PPM1E: variants seen among roughly 807,000 people sequenced by gnomAD.
The protein encoded by PPM1E is protein phosphatase 1E.
In PPM1E, 20 loss-of-function variants were observed where a neutral mutation model predicts 65.9. The ratio of observed to expected loss-of-function variants is 0.30; its 90% CI spans 0.21 to 0.44. The LOEUF (loss-of-function observed/expected upper bound fraction) is 0.44. Ranked by LOEUF, PPM1E falls within the 20% of genes least tolerant of loss-of-function variation. The pLI is 1.00. For synonymous variants in PPM1E, 352 were observed against 374.9 expected, an observed-to-expected ratio of 0.94 and a Z score of 0.70; for missense variants, 713 against 953.1, an observed-to-expected ratio of 0.75 and a Z score of 3.32.
intron 1 of PPM1E, among the ~76,000 whole-genome samples, chr17:58,804,254 G>T (rs1430405453): frequency 6.6e-6 from 1 of 152,122 alleles, no homozygotes; most frequent in African/African-American, 2.4e-5. Context: ...AATGAAAGCT[G>T]CTTTTTCTAT....
intron 1 of PPM1E, among the ~76,000 whole-genome samples, chr17:58,859,526 A>G (rs2050917200): frequency 6.6e-6 from 1 of 152,204 alleles, no homozygotes; most frequent in African/African-American, 2.4e-5. Context: ...CTAGAGAGTC[A>G]TGTCCCATGG....
intron 1 of PPM1E, among the ~76,000 whole-genome samples, chr17:58,783,996 C>T (rs908432958): frequency 7.3e-5 from 11 of 151,620 alleles, no homozygotes; most frequent in Non-Finnish European, 8.8e-5. Context: ...CAGGTGTGAG[C>T]CACCGTGCCC....
At chr17:58,894,232 G>T (rs150635748) in intron 1 of PPM1E, among the ~76,000 whole-genome samples, 3 of 151,968 alleles carry the variant, frequency 2.0e-5, no homozygotes, top group Non-Finnish European at 4.4e-5. Flanking sequence ...AGCAATTCTC[G>T]TGCCGCAGCC....
intron 1 of PPM1E, 43 bp downstream of exon 1, chr17:58,756,504 A>G: frequency 1.6e-6 from 2 of 1,262,156 alleles, no homozygotes; most frequent in Non-Finnish European, 2.0e-6. Flanking sequence ...CGCGGTCCCC[A>G]CCGCGCCGGC....
In PPM1E at chr17:58,877,075, G is replaced by A. The variant is rs192985400; in HGVS notation, c.465-78574G>A. On this transcript the variant is annotated intron_variant, in intron 1 of 6. Coordinates refer to ENST00000308249, the MANE Select transcript of PPM1E (RefSeq NM_014906.5). Reference sequence around the variant, plus strand: ...TGGGATTACAGGCGTGAGCCACCGCGCCTGGCCAAATGCGCATGTTAAATT... The same window carrying A: ...TGGGATTACAGGCGTGAGCCACCGCACCTGGCCAAATGCGCATGTTAAATT... Among the ~76,000 whole-genome samples, 173 of 152,294 alleles carry A rather than the reference G, an allele frequency of 1.1e-3. 3 individuals are homozygous for A. In the South Asian group the frequency reaches 0.034, roughly 30 times the overall value.
intron 1 of PPM1E, among the ~76,000 whole-genome samples, chr17:58,876,509 AT>A (rs1418429892): frequency 6.6e-6 from 1 of 152,134 alleles, no homozygotes; most frequent in African/African-American, 2.4e-5. Flanking sequence ...TTATTTTTTG[AT>A]ATTTTTATAG....
At chr17:58,806,255 T>C (rs566444880) in intron 1 of PPM1E, among the ~76,000 whole-genome samples, 2 of 152,158 alleles carry the variant, frequency 1.3e-5, no homozygotes, top group South Asian at 4.1e-4. Flanking sequence ...TTTTTTTCCT[T>C]CTTATCAATG....
At position 58,837,917 on chromosome 17, in the gene PPM1E, A is replaced by G. The variant is rs560151957; in HGVS notation, c.464+81456A>G. ...TCTTGACTCTGTCTCATGTCCAGCC[A>G]GGGCTGTTAGACTGTCCCAGAGAAG... On this transcript the variant is annotated intron_variant, in intron 1 of 6. Coordinates refer to ENST00000308249, the MANE Select transcript of PPM1E (RefSeq NM_014906.5). Among the ~76,000 whole-genome samples, 16 of 152,374 alleles carry G rather than the reference A, an allele frequency of 1.1e-4. No individual in the cohort carries two copies. In the South Asian group the frequency reaches 3.3e-3, roughly 32 times the overall value.
intron 1 of PPM1E, chr17:58,897,940 C>A (rs1035458991): frequency 6.6e-6 from 1 of 152,248 alleles, no homozygotes; most frequent in Non-Finnish European, 1.5e-5. Flanking sequence ...CATAGCAAGA[C>A]CTTGTCTCTA....
chr17:58,904,566 G>T (rs1389881993), intron 1 of PPM1E, among the ~76,000 whole-genome samples: 2 of 151,952 alleles, frequency 1.3e-5, no homozygotes, highest in African/African-American at 4.8e-5. Context: ...TTTTGGTTGG[G>T]GTTGTGTTGA....
intron 2 of PPM1E, among the ~76,000 whole-genome samples, chr17:58,965,197 C>G (rs1281754070): frequency 5.3e-5 from 8 of 152,022 alleles, no homozygotes; most frequent in Non-Finnish European, 1.2e-4. Context: ...AACGTAAACC[C>G]TTCTTATTTC....
chr17:58,913,531 G>A (rs553857340), intron 1 of PPM1E, among the ~76,000 whole-genome samples: 3 of 152,306 alleles, frequency 2.0e-5, no homozygotes, highest in African/African-American at 7.2e-5. Context: ...GCGAAGTAGT[G>A]TAATAAACGT....
intron 1 of PPM1E, among the ~76,000 whole-genome samples, chr17:58,954,971 C>G (rs561343659): frequency 6.6e-6 from 1 of 151,514 alleles, no homozygotes; most frequent in Admixed American, 6.6e-5. Flanking sequence ...ATAACTGAGT[C>G]TTTTTCATCC....
chr17:58,862,501 A>G (rs2050952832), intron 1 of PPM1E, among the ~76,000 whole-genome samples: 1 of 152,208 alleles, frequency 6.6e-6, no homozygotes, highest in East Asian at 1.9e-4. Context: ...CTGGATAGAA[A>G]TGCTTCTATC....
chr17:58,784,566 C>T (rs2050080893), intron 1 of PPM1E, among the ~76,000 whole-genome samples: 1 of 149,888 alleles, frequency 6.7e-6, no homozygotes. Flanking sequence ...CACTCTGTCG[C>T]CAGGCTGGAG....
intron 1 of PPM1E, among the ~76,000 whole-genome samples, chr17:58,860,181 A>C (rs571905829): frequency 6.6e-6 from 1 of 152,220 alleles, no homozygotes; most frequent in Non-Finnish European, 1.5e-5. Flanking sequence ...AAACCCAAAG[A>C]GATTGTAAAT....
At chr17:58,870,169 A>G (rs1357937662) in intron 1 of PPM1E, among the ~76,000 whole-genome samples, 1 of 152,228 alleles carries the variant, frequency 6.6e-6, no homozygotes, top group South Asian at 2.1e-4. Context: ...AGTTCTGACA[A>G]TGAGGGACAA....
At chr17:58,914,355 T>C (rs895731738) in intron 1 of PPM1E, among the ~76,000 whole-genome samples, 1 of 152,240 alleles carries the variant, frequency 6.6e-6, no homozygotes, top group African/African-American at 2.4e-5. Flanking sequence ...TCCAGGATAC[T>C]ACATTGCATC....
chr17:58,951,781 A>C (rs1353662477), intron 1 of PPM1E, among the ~76,000 whole-genome samples: 3 of 152,188 alleles, frequency 2.0e-5, no homozygotes, highest in Non-Finnish European at 4.4e-5. Flanking sequence ...CCTATGCAGT[A>C]TCGTGAGACC....
Sources: gnomAD v4.1 joint callset for allele counts (sites outside exome capture counted in the v4.1 genomes callset) on GRCh38, gnomAD v4.1.1 for gene constraint, MANE v1.5 for transcripts, NCBI Gene and HGNC (gene_info 2026-07-23, HGNC 2026-07-21) for gene names.